The following DNAH1 variants were observed in gnomAD, a reference collection of about 807,000 sequenced individuals.
DNAH1 encodes dynein axonemal heavy chain 1.
Under a neutral mutation model 484.3 loss-of-function variants are expected in DNAH1, and 327 were observed. That is an observed-to-expected ratio of 0.68 (90% CI 0.62 to 0.74). The LOEUF (loss-of-function observed/expected upper bound fraction) is 0.74, where lower values mean the gene tolerates loss of function less well. Among genes scored for constraint, DNAH1 ranks in the 30% least tolerant of loss-of-function variants. DNAH1 has a pLI of 0.00. For synonymous variants in DNAH1, 2,192 were observed against 2,191.9 expected (o/e 1.00, Z 0.00); for missense variants, 5,052 against 5,546.8 (o/e 0.91, Z 2.83).
Position 52,386,178 on chromosome 3 carries a change from G to A in DNAH1, c.8644G>A (p.Glu2882Lys), listed in dbSNP as rs1332963801. Residue 2882 changes from glutamate (E) to lysine (K), a missense_variant, in exon 55 of 78, where the codon GAG becomes AAG. Physicochemically the swap from Glu to Lys is moderately conservative, Grantham distance 56. Around this residue, in one of 4 missense-constraint regions of DNAH1, gnomAD observed 2,929 missense variants for 3,409.4 expected, o/e 0.86. Transcript: ENST00000420323. Reference sequence around the variant, plus strand: ...TCCCCAGGTGGATACGGCCATCGCCGAGGAGACCCGGAATTCAGTGCAGAC... The same window carrying A: ...TCCCCAGGTGGATACGGCCATCGCCAAGGAGACCCGGAATTCAGTGCAGAC... ...EQIKVDTAIA[E>K]ETRNSVQTEE... 1.3e-5 allele frequency: 21 copies of A among 1,613,332 alleles called. No individual in the cohort carries two copies. Among genetic ancestry groups the A allele is most frequent in the South Asian group, 2.2e-5 (2 of 91,042 alleles).
chr3:52,358,100 G>A lies in DNAH1; in HGVS notation c.4086+97G>A. ...GTGATGAGCCCTTTTAGCAGGAAAT[G>A]TGGCAAATGACATTCCTGGTCTTTG... On this transcript the variant is annotated intron_variant, in intron 24 of 77. Transcript: ENST00000420323. This position sits in a 1 kb window ranked among gnomAD's most constrained non-coding sequence, Gnocchi z 4.2. The A allele has an allele frequency of 1.0e-6, 1 of 973,656 alleles. No individual in the cohort carries two copies. The highest frequency in any genetic ancestry group is 1.5e-6 in the Non-Finnish European group (1 of 669,298). 60.3% of individuals were successfully genotyped at this position (973,656 alleles called of 1,614,324 possible). A position where few individuals can be genotyped will look rare whatever the true frequency, so the allele number is the denominator to read the frequency against.
chr3:52,365,476 TAAAG>T (rs1703036363), intron 34 of DNAH1, among the ~76,000 whole-genome samples: 1 of 152,226 alleles, frequency 6.6e-6, no homozygotes, highest in Non-Finnish European at 1.5e-5. Flanking sequence ...GTCACTGCGC[TAAAG>T]AAAGAACATT....
rs1559544611 is a variant in DNAH1, at chr3:52,373,039, A to G, written c.6971A>G (p.Asp2324Gly). The change falls in exon 44 of 78, where the codon GAC becomes GGC. Residue 2324 changes from aspartate to glycine, a missense_variant. This residue lies in a region of DNAH1 where 2,929 missense variants were observed against 3,409.4 expected (regional missense o/e 0.86). Transcript: ENST00000420323. Reference protein sequence around the residue: ...RQWMDHGGWYDRKIIGAFKNL... With the variant: ...RQWMDHGGWYGRKIIGAFKNL... ...TGGATGGACCACGGCGGCTGGTACG[A>G]CCGCAAGATCATTGGTGAGTGTGGC... 2 of 1,612,088 alleles carry G rather than the reference A, an allele frequency of 1.2e-6. No individual in the cohort carries two copies. Among genetic ancestry groups the G allele is most frequent in the Non-Finnish European group, 1.7e-6 (2 of 1,179,418 alleles).
chr3:52,380,650 C>T (rs1173494690), intron 48 of DNAH1, among the ~76,000 whole-genome samples: 1 of 152,212 alleles, frequency 6.6e-6, no homozygotes, highest in African/African-American at 2.4e-5. Context: ...CTGGGTCAGG[C>T]CTCGTGCAGG....
intron 2 of DNAH1, 76 bp from the exon 3 acceptor site, chr3:52,323,732 G>T: frequency 8.0e-7 from 1 of 1,255,562 alleles, no homozygotes; most frequent in Non-Finnish European, 1.1e-6. Context: ...GAGGCGCCTG[G>T]GCTCGGGGTC....
Position 52,388,924 on chromosome 3 carries a change from TG to T in DNAH1, c.9485del (p.Gly3162AlafsTer32). The T allele has an allele frequency of 6.2e-7, 1 of 1,603,760 alleles. No individual in the cohort carries two copies. Among genetic ancestry groups the T allele is most frequent in the Non-Finnish European group, 8.5e-7 (1 of 1,173,034 alleles). On this transcript the variant is annotated frameshift_variant, in exon 59 of 78. Coordinates refer to ENST00000420323, the MANE Select transcript of DNAH1 (RefSeq NM_015512.5). LOFTEE classifies it high-confidence loss of function. ...GTGGCCGCTGGCTTTGTGGCCTACCTGGGCCCCTTCACGGTAAGAAGTCCCC... is the reference window on the plus strand; with the variant it reads ...GTGGCCGCTGGCTTTGTGGCCTACCTGGCCCCTTCACGGTAAGAAGTCCCC... ...VLVAAGFVAY[L>X]GPFTGQYRTV...
intron 7 of DNAH1, among the ~76,000 whole-genome samples, 182 bp downstream of exon 7, chr3:52,331,491 T>G (rs1701548599): frequency 6.6e-6 from 1 of 152,150 alleles, no homozygotes; most frequent in African/African-American, 2.4e-5. Flanking sequence ...AAAGGGCAAG[T>G]GGCCATTATT....
At position 52,386,207 on chromosome 3, in the gene DNAH1, G is replaced by A; in HGVS notation, c.8673G>A (p.Glu2891=). 6.2e-7 allele frequency: 1 copy of A among 1,613,898 alleles called. No homozygotes were observed. Among genetic ancestry groups the A allele is most frequent in the Non-Finnish European group, 8.5e-7 (1 of 1,179,860 alleles). ...AGACCCGGAATTCAGTGCAGACAGAGGAGATCAAAGCCAATGAGAAGGCCA... is the reference window on the plus strand; with the variant it reads ...AGACCCGGAATTCAGTGCAGACAGAAGAGATCAAAGCCAATGAGAAGGCCA... ...AEETRNSVQT[E]EIKANEKAKK... is the part of the protein sequence containing the mutation. The change falls in exon 55 of 78, where the codon GAG becomes GAA. Residue 2891 remains glutamate (E), a synonymous_variant. Coordinates refer to ENST00000420323, the MANE Select transcript of DNAH1 (RefSeq NM_015512.5).
Position 52,345,696 on chromosome 3 carries a change from C to G in DNAH1, c.1646C>G (p.Thr549Ser). The change falls in exon 10 of 78, where the codon ACC (threonine) becomes AGC (serine). Residue 549 changes from threonine to serine, a missense_variant. Transcript: ENST00000420323. ...LEEFEQIQSQ[T>S]FSQVQMFLKD... ...GAATTTGAGCAGATCCAGTCACAGA[C>G]CTTCTCCCAGGTTTGTGGGCATCAA... 1 of 1,612,490 alleles carries G rather than the reference C, an allele frequency of 6.2e-7. No individual in the cohort carries two copies. The highest frequency in any genetic ancestry group is 1.3e-5 in the African/African-American group (1 of 75,012).
intron 16 of DNAH1, among the ~76,000 whole-genome samples, chr3:52,351,447 G>C (rs1326887322): frequency 1.3e-5 from 2 of 152,232 alleles, no homozygotes; most frequent in Admixed American, 1.3e-4. Context: ...AGGGCATCTG[G>C]GTGCTCAGGG....
intron 45 of DNAH1, 90 bp from the exon 46 acceptor site, chr3:52,375,865 T>C: frequency 6.8e-7 from 1 of 1,461,948 alleles, no homozygotes; most frequent in Non-Finnish European, 9.5e-7. Flanking sequence ...TACCCCAAGA[T>C]GCTGTTTCCC....
chr3:52,346,392 T>G (rs1702141733), intron 10 of DNAH1, 80 bp from the exon 11 acceptor site: 1 of 1,421,202 alleles, frequency 7.0e-7, no homozygotes, highest in African/African-American at 1.4e-5. Flanking sequence ...CCAAGCACCC[T>G]GGTGCATAGA....
intron 8 of DNAH1, among the ~76,000 whole-genome samples, chr3:52,334,956 T>C (rs1459025413): frequency 6.6e-6 from 1 of 151,694 alleles, no homozygotes; most frequent in Non-Finnish European, 1.5e-5. Flanking sequence ...CCCGCCACCA[T>C]GCCCGGCTAA....
chr3:52,347,909 G>T lies in DNAH1; in HGVS notation c.2041G>T (p.Ala681Ser). The T allele has an allele frequency of 6.2e-7, 1 of 1,609,992 alleles. No individual in the cohort carries two copies. The highest frequency in any genetic ancestry group is 8.5e-7 in the Non-Finnish European group (1 of 1,178,218). The stretch of plus-strand genomic sequence containing the variant: ...TAGCACCCCACTGGAGCAGTTTGAG[G>T]CATCTCTGCTGAACCTCTTCGACAA... Reference protein sequence around the residue: ...HYSTPLEQFEASLLNLFDKGI... With the variant: ...HYSTPLEQFESSLLNLFDKGI... Residue 681 changes from alanine to serine, a missense_variant, in exon 12 of 78, where the codon GCA becomes TCA. Transcript: ENST00000420323.
Position 52,349,030 on chromosome 3 carries a change from A to C in DNAH1, c.2249A>C (p.Glu750Ala). Residue 750 changes from glutamate to alanine, a missense_variant, in exon 13 of 78, where the codon GAG becomes GCG. By Grantham distance (107) the Glu-to-Ala change is moderately radical. Coordinates refer to ENST00000420323, the MANE Select transcript of DNAH1 (RefSeq NM_015512.5). ...AMIPLQAYAKEYRKYLELNNN... is the reference protein window; with the variant it reads ...AMIPLQAYAKAYRKYLELNNN... ...ATCCCACTGCAGGCCTACGCCAAGGAGTACCGAAAGTACCTGGAGCTGAAC... is the reference window on the plus strand; with the variant it reads ...ATCCCACTGCAGGCCTACGCCAAGGCGTACCGAAAGTACCTGGAGCTGAAC... The C allele has an allele frequency of 6.2e-7, 1 of 1,612,940 alleles. No homozygotes were observed.
chr3:52,392,390 G>T, intron 63 of DNAH1, 74 bp from the exon 64 acceptor site: 1 of 1,376,874 alleles, frequency 7.3e-7, no homozygotes, highest in South Asian at 1.2e-5. Flanking sequence ...ACAGGTGGAT[G>T]GGTGACCAGG....
chr3:52,331,704 A>T (rs1446259865), intron 7 of DNAH1, among the ~76,000 whole-genome samples: 1 of 137,684 alleles, frequency 7.3e-6, no homozygotes, highest in Non-Finnish European at 1.5e-5. Context: ...GGCTCATTGT[A>T]ACCTCTTCCT....
Position 52,361,112 on chromosome 3 carries a change from G to A in DNAH1, c.4686-52G>A. On this transcript the variant is annotated intron_variant, in intron 28 of 77. Transcript: ENST00000420323. The surrounding 1 kb of genome is among the most constrained non-coding windows in gnomAD (Gnocchi z 5.6). ...GTCCACAGGAAATTCCAAGGAAAGG[G>A]GGAGTGTCCAGGCCATGTGCGGCCC... 7.1e-7 allele frequency: 1 copy of A among 1,401,564 alleles called. No homozygotes were observed. The highest frequency in any genetic ancestry group is 9.3e-7 in the Non-Finnish European group (1 of 1,071,676). The allele number at this position is 1,401,564 out of a possible 1,614,324, so 86.8% of individuals were successfully genotyped here. A position where few individuals can be genotyped will look rare whatever the true frequency, so the allele number is the denominator to read the frequency against.
chr3:52,393,725 C>T (rs982186148), intron 66 of DNAH1, among the ~76,000 whole-genome samples: 1 of 152,186 alleles, frequency 6.6e-6, no homozygotes, highest in Non-Finnish European at 1.5e-5. Context: ...CAAGACCACC[C>T]TGGTCTCTAC....
Sources: allele counts gnomAD v4.1 joint callset (sites outside exome capture counted in the v4.1 genomes callset), GRCh38; gene constraint gnomAD v4.1.1; regional missense constraint gnomAD v4.1.1; non-coding constraint Gnocchi (gnomAD v3.1); transcripts MANE v1.5; gene names NCBI Gene and HGNC (gene_info 2026-07-23, HGNC 2026-07-21).